The following INPP4B variants were observed in gnomAD, a reference collection of about 807,000 sequenced individuals.
INPP4B encodes the protein inositol polyphosphate-4-phosphatase type II B, also known as inositol polyphosphate 4-phosphatase type II.
A neutral mutation model predicts 122.5 loss-of-function variants in INPP4B; 55 were observed. That is an observed-to-expected ratio of 0.45 (90% CI 0.36 to 0.56). INPP4B has a LOEUF of 0.56. Ranked by LOEUF, INPP4B falls within the 20% of genes least tolerant of loss-of-function variation. INPP4B has a pLI of 0.00. For missense variants in INPP4B, 1,000 were observed against 1,097.7 expected (o/e 0.91, Z 1.26); for synonymous variants, 403 against 388.7 (o/e 1.04, Z -0.43).
intron 1 of INPP4B, among the ~76,000 whole-genome samples, chr4:142,817,854 G>T (rs370468451): frequency 2.6e-5 from 4 of 152,074 alleles, no homozygotes; most frequent in African/African-American, 9.7e-5. Flanking sequence ...ATATATTGAC[G>T]TTAAAAGGAA....
intron 8 of INPP4B, among the ~76,000 whole-genome samples, chr4:142,308,098 T>G (rs1764125045): frequency 1.3e-5 from 2 of 152,216 alleles, no homozygotes; most frequent in Non-Finnish European, 2.9e-5. Flanking sequence ...GAACGTTGGC[T>G]TGTCCATCTC....
Position 142,249,984 on chromosome 4 carries a change from A to G in INPP4B, c.688+10508T>C, listed in dbSNP as rs1731126381. ...TACTTAAACAAATAAGCAAATAATT[A>G]GAGATAAGTCTGCTTTTTAACAACT... is the stretch of plus-strand genomic sequence containing the variant. On this transcript the variant is annotated intron_variant, in intron 11 of 25. Transcript: ENST00000262992. Among the ~76,000 whole-genome samples, 4 of 152,234 alleles carry G rather than the reference A, an allele frequency of 2.6e-5. No individual in the cohort carries two copies. In the South Asian group the frequency reaches 6.2e-4, roughly 24 times the overall value.
intron 23 of INPP4B, among the ~76,000 whole-genome samples, chr4:142,101,649 G>C (rs1004107174): frequency 6.6e-6 from 1 of 152,054 alleles, no homozygotes; most frequent in Non-Finnish European, 1.5e-5. Context: ...ATTTCTTCCA[G>C]AGCACAATCT....
At chr4:142,255,870 G>A (rs1333930002) in intron 11 of INPP4B, among the ~76,000 whole-genome samples, 5 of 150,010 alleles carry the variant, frequency 3.3e-5, no homozygotes, top group African/African-American at 9.8e-5. Flanking sequence ...GACATCTACA[G>A]AACTCTCCAC....
intron 3 of INPP4B, among the ~76,000 whole-genome samples, chr4:142,457,559 T>C (rs1227930763): frequency 6.6e-6 from 1 of 152,146 alleles, no homozygotes; most frequent in Non-Finnish European, 1.5e-5. Context: ...TCATTAGTCA[T>C]TAAGAATATA....
intron 1 of INPP4B, among the ~76,000 whole-genome samples, chr4:142,774,528 C>T (rs1373664): frequency 6.6e-6 from 1 of 152,022 alleles, no homozygotes; most frequent in Admixed American, 6.6e-5. Flanking sequence ...CCTTTACATA[C>T]AACATCTAAA....
At chr4:142,078,319 A>T (rs138607950) in intron 25 of INPP4B, among the ~76,000 whole-genome samples, 4 of 152,134 alleles carry the variant, frequency 2.6e-5, no homozygotes, top group African/African-American at 9.6e-5. Context: ...TAAGACTCTT[A>T]CTTTCATATT....
chr4:142,050,998 C>T (rs12644579), intron 25 of INPP4B, among the ~76,000 whole-genome samples: 14,094 of 152,012 alleles, frequency 0.093, 803 homozygotes, highest in East Asian at 0.24. Context: ...GACTTCCAAA[C>T]TTATTTATTC....
intron 7 of INPP4B, among the ~76,000 whole-genome samples, chr4:142,391,517 G>T (rs944953372): frequency 6.6e-6 from 1 of 152,144 alleles, no homozygotes; most frequent in Non-Finnish European, 1.5e-5. Flanking sequence ...AGCCGAGATC[G>T]TGCCACTGCA....
chr4:142,336,776 C>T lies in INPP4B; in HGVS notation c.373-22014G>A, dbSNP rs537679529. 1.2e-4 allele frequency among the ~76,000 whole-genome samples: 18 copies of T among 152,330 alleles called. No individual in the cohort carries two copies. In the South Asian group the frequency reaches 3.5e-3, roughly 30 times the overall value. ...AGTGAGCACAGAGCTGAACAAGGCC[C>T]CAGGCAGAGGCGCCACTGGCCAGCC... On this transcript the variant is annotated intron_variant, in intron 7 of 25. Transcript: ENST00000262992.
In INPP4B at chr4:142,254,748, G is replaced by A. The variant is rs1400383720; in HGVS notation, c.688+5744C>T. On this transcript the variant is annotated intron_variant, in intron 11 of 25. Coordinates refer to ENST00000262992, the MANE Select transcript of INPP4B (RefSeq NM_001101669.3). ...TCTGATTGGTGTACCTGAAAGTGAC[G>A]AGGAGAATGGAACCAAGGTGGAAAA... is the stretch of plus-strand genomic sequence containing the variant. 1.4e-4 allele frequency among the ~76,000 whole-genome samples: 22 copies of A among 152,222 alleles called. No homozygotes were observed. In the South Asian group the frequency reaches 3.7e-3, roughly 26 times the overall value.
chr4:142,126,680 A>G (rs1798761665), intron 18 of INPP4B, among the ~76,000 whole-genome samples: 1 of 152,170 alleles, frequency 6.6e-6, no homozygotes, highest in South Asian at 2.1e-4. Context: ...TAGGCAGCCT[A>G]GAATAAAATG....
intron 2 of INPP4B, among the ~76,000 whole-genome samples, chr4:142,584,707 C>T (rs1310310011): frequency 6.6e-6 from 1 of 152,024 alleles, no homozygotes; most frequent in Non-Finnish European, 1.5e-5. Context: ...TGTCTGGTTT[C>T]TCTACTCTAA....
At chr4:142,206,396 G>A (rs550203401) in intron 14 of INPP4B, among the ~76,000 whole-genome samples, 10 of 143,000 alleles carry the variant, frequency 7.0e-5, no homozygotes, top group East Asian at 2.0e-4. Flanking sequence ...GACATAGTTC[G>A]TAGTGAATAA....
intron 2 of INPP4B, among the ~76,000 whole-genome samples, chr4:142,632,010 T>TCCAG (rs1302841728): frequency 6.6e-6 from 1 of 152,132 alleles, no homozygotes; most frequent in African/African-American, 2.4e-5. Context: ...GTATATGTGC[T>TCCAG]CCAGCAAGAC....
chr4:142,824,089 G>C (rs1054404194), intron 1 of INPP4B, among the ~76,000 whole-genome samples: 24 of 151,980 alleles, frequency 1.6e-4, no homozygotes, highest in African/African-American at 5.6e-4. Flanking sequence ...GGAGCTCCTG[G>C]TTCCCAGGCC....
chr4:142,200,995 A>G (rs888459253), intron 14 of INPP4B, among the ~76,000 whole-genome samples: 23 of 152,008 alleles, frequency 1.5e-4, no homozygotes, highest in African/African-American at 3.9e-4. Context: ...TATTTCCTCA[A>G]TTGCATTCTG....
intron 7 of INPP4B, among the ~76,000 whole-genome samples, chr4:142,344,046 G>A (rs1230383792): frequency 6.6e-6 from 1 of 152,000 alleles, no homozygotes; most frequent in Non-Finnish European, 1.5e-5. Flanking sequence ...CATTCAAGAT[G>A]TCACCATTCA....
In INPP4B at chr4:142,246,117, T is replaced by TA. The variant is rs1561602526; in HGVS notation, c.689-8107_689-8106insT. Among the ~76,000 whole-genome samples, 27 of 149,610 alleles carry TA rather than the reference T, an allele frequency of 1.8e-4. 1 individual carries two copies. Among genetic ancestry groups the TA allele is most frequent in the African/African-American group, 5.8e-4 (23 of 39,930 alleles). On this transcript the variant is annotated intron_variant, in intron 11 of 25. Coordinates refer to ENST00000262992, the MANE Select transcript of INPP4B (RefSeq NM_001101669.3). The stretch of plus-strand genomic sequence containing the variant: ...GTGTGTGTATACACACATATATATA[T>TA]GTGTATGTATACACACACATATATA...
Sources: gnomAD v4.1 joint callset for allele counts (sites outside exome capture counted in the v4.1 genomes callset) on GRCh38, gnomAD v4.1.1 for gene constraint, MANE v1.5 for transcripts, NCBI Gene and HGNC (gene_info 2026-07-23, HGNC 2026-07-21) for gene names.